The following ERBIN variants were observed in gnomAD, a reference collection of about 807,000 sequenced individuals.
ERBIN encodes densin-180-like protein.
ERBIN carries 60 observed loss-of-function variants against 158.4 expected under a neutral mutation model. That is an observed-to-expected ratio of 0.38 (90% confidence interval 0.31 to 0.47). The LOEUF is 0.47. Ranked by LOEUF, ERBIN falls within the 20% of genes least tolerant of loss-of-function variation. The pLI is 0.99. For missense variants in ERBIN, 1,610 were observed against 1,648.0 expected (o/e 0.98, Z 0.40); for synonymous variants, 594 against 557.2 (o/e 1.07, Z -0.93).
intron 13 of ERBIN, among the ~76,000 whole-genome samples, chr5:66,027,062 TA>T (rs889985518): frequency 1.2e-4 from 18 of 152,142 alleles, no homozygotes; most frequent in African/African-American, 4.3e-4. Flanking sequence ...GTAAACATAC[TA>T]ATGATGATTA....
chr5:66,077,150 C>CA (rs397977892), intron 25 of ERBIN, among the ~76,000 whole-genome samples: 5,465 of 74,210 alleles, frequency 0.074, 215 homozygotes, highest in African/African-American at 0.13. Context: ...GACTCTGTCT[C>CA]AAAAAAAAAA....
chr5:66,077,594 AT>A (rs895984251), intron 25 of ERBIN, among the ~76,000 whole-genome samples: 1 of 152,180 alleles, frequency 6.6e-6, no homozygotes, highest in African/African-American at 2.4e-5. Flanking sequence ...AATAAAACTA[AT>A]TAAAAAAAAT....
At chr5:65,961,324 C>G (rs767469791) in intron 1 of ERBIN, 1 of 152,154 alleles carries the variant, frequency 6.6e-6, no homozygotes, top group Non-Finnish European at 1.5e-5. Flanking sequence ...ATGTGACTTA[C>G]GCTGAACTGT....
At chr5:66,043,009 T>A in intron 15 of ERBIN, 68 bp from the exon 16 acceptor site, 2 of 1,209,190 alleles carry the variant, frequency 1.7e-6, no homozygotes, top group East Asian at 4.7e-5. Flanking sequence ...ACAGAAATTA[T>A]GAGCAAGTGA....
chr5:66,071,380 A>G (rs929116711), intron 21 of ERBIN, among the ~76,000 whole-genome samples: 9 of 152,156 alleles, frequency 5.9e-5, no homozygotes, highest in Admixed American at 5.2e-4. Flanking sequence ...AAAGAAAGAA[A>G]GAAAGAAAGA....
intron 13 of ERBIN, 64 bp from the exon 14 acceptor site, chr5:66,028,210 C>G: frequency 8.1e-7 from 1 of 1,229,618 alleles, no homozygotes; most frequent in Non-Finnish European, 1.2e-6. Flanking sequence ...TTAGGTTGAA[C>G]CCTCATTCAT....
chr5:66,062,920 C>T (rs950961053), intron 21 of ERBIN, among the ~76,000 whole-genome samples: 5 of 152,124 alleles, frequency 3.3e-5, no homozygotes, highest in African/African-American at 9.7e-5. Flanking sequence ...CAGAGGAGTA[C>T]CTGGCCGTGT....
In ERBIN at chr5:66,049,976, A is replaced by G. The variant is rs181544025; in HGVS notation, c.1904-807A>G. On this transcript the variant is annotated intron_variant, in intron 19 of 25. Transcript: ENST00000284037. ...AACATTAAGAAAGAGCTGACCTTTG[A>G]AAATTCCTTGATTTGTTTGGTGATT... 1.5e-3 allele frequency among the ~76,000 whole-genome samples: 234 copies of G among 152,218 alleles called. 1 individual carries two copies. Among genetic ancestry groups the G allele is most frequent in the African/African-American group, 5.5e-3 (228 of 41,580 alleles).
intron 1 of ERBIN, among the ~76,000 whole-genome samples, chr5:65,941,703 T>A (rs924257739): frequency 6.6e-5 from 10 of 152,178 alleles, no homozygotes; most frequent in African/African-American, 2.4e-4. Context: ...GGTTTATTTT[T>A]GTCCCATGTG....
intron 4 of ERBIN, among the ~76,000 whole-genome samples, chr5:65,997,570 A>G (rs1054558319): frequency 6.6e-6 from 1 of 152,202 alleles, no homozygotes; most frequent in East Asian, 1.9e-4. Flanking sequence ...TAATTACAAA[A>G]AAGAAAGAAT....
chr5:65,976,569 G>C (rs1749891075), intron 1 of ERBIN, among the ~76,000 whole-genome samples: 1 of 150,274 alleles, frequency 6.7e-6, no homozygotes, highest in African/African-American at 2.5e-5. Flanking sequence ...CGCAGAGGGG[G>C]ATTTGGCAGG....
intron 1 of ERBIN, among the ~76,000 whole-genome samples, chr5:65,938,578 A>G (rs1384961034): frequency 6.6e-6 from 1 of 151,492 alleles, no homozygotes; most frequent in African/African-American, 2.4e-5. Flanking sequence ...CTTGAGACGG[A>G]GTCTTCCTCT....
At chr5:65,982,103 A>T (rs1252629950) in intron 1 of ERBIN, among the ~76,000 whole-genome samples, 1 of 152,228 alleles carries the variant, frequency 6.6e-6, no homozygotes, top group Admixed American at 6.5e-5. Flanking sequence ...AGAGACAAAG[A>T]GAGATTATTA....
intron 3 of ERBIN, 143 bp from the exon 4 acceptor site, chr5:65,994,604 A>G (rs970258058): frequency 1.1e-5 from 6 of 552,786 alleles, no homozygotes; most frequent in Non-Finnish European, 1.6e-5. Context: ...CCATAATAGC[A>G]TAACCAGAAC....
intron 1 of ERBIN, among the ~76,000 whole-genome samples, chr5:65,963,821 G>T (rs1249213229): frequency 7.2e-6 from 1 of 138,892 alleles, no homozygotes; most frequent in East Asian, 2.1e-4. Context: ...ATGGAGTCTC[G>T]CTCTGTCGCC....
chr5:66,072,057 C>A, intron 21 of ERBIN, 112 bp from the exon 22 acceptor site: 1 of 1,095,518 alleles, frequency 9.1e-7, no homozygotes, highest in Non-Finnish European at 1.3e-6. Context: ...TTTGGGTCTT[C>A]ATCTTTGCAC....
intron 4 of ERBIN, among the ~76,000 whole-genome samples, chr5:66,003,858 T>A (rs1273996251): frequency 6.6e-6 from 1 of 152,008 alleles, no homozygotes; most frequent in Non-Finnish European, 1.5e-5. Context: ...TGAGAGTGAT[T>A]TGAAGAAGAC....
At chr5:65,987,269 A>G (rs1256016920) in intron 1 of ERBIN, among the ~76,000 whole-genome samples, 1 of 151,912 alleles carries the variant, frequency 6.6e-6, no homozygotes, top group Non-Finnish European at 1.5e-5. Context: ...AGGCCAGGTC[A>G]CACCTGTAAA....
At chr5:66,045,608 G>C (rs558157675) in intron 17 of ERBIN, among the ~76,000 whole-genome samples, 1 of 152,058 alleles carries the variant, frequency 6.6e-6, no homozygotes, top group Non-Finnish European at 1.5e-5. Context: ...TAAGTGCCAC[G>C]TGACTGCACT....
Sources: allele counts gnomAD v4.1 joint callset (sites outside exome capture counted in the v4.1 genomes callset), GRCh38; gene constraint gnomAD v4.1.1; transcripts MANE v1.5; gene names NCBI Gene and HGNC (gene_info 2026-07-23, HGNC 2026-07-21).